Variants in LYZL1 observed in about 807,000 individuals in gnomAD.
The protein encoded by LYZL1 is lysozyme-like protein 1.
A neutral mutation model predicts 17.9 loss-of-function variants in LYZL1; 16 were observed. The ratio of observed to expected loss-of-function variants is 0.90; its 90% CI spans 0.61 to 1.36. The LOEUF (loss-of-function observed/expected upper bound fraction) is 1.36, where lower values mean the gene tolerates loss of function less well. Ranked by LOEUF, LYZL1 falls within the 40% of genes most tolerant of loss-of-function variation. The pLI is 0.00. For synonymous variants in LYZL1, 58 were observed against 71.8 expected (o/e 0.81, Z 0.97); for missense variants, 149 against 188.4 (o/e 0.79, Z 1.22).
intron 3 of LYZL1, among the ~76,000 whole-genome samples, chr10:29,294,490 A>T (rs1835420011): frequency 1.3e-5 from 2 of 152,212 alleles, no homozygotes; most frequent in African/African-American, 4.8e-5. Context: ...GGCAGAGCTC[A>T]GTCAAAGGCA....
chr10:29,317,187 C>G (rs543319351), intron 3 of LYZL1: 1 of 152,164 alleles, frequency 6.6e-6, no homozygotes, highest in Non-Finnish European at 1.5e-5. Context: ...GATTCACTTC[C>G]TCTCTCCCCT....
intron 3 of LYZL1, among the ~76,000 whole-genome samples, chr10:29,297,524 C>T (rs896158690): frequency 2.6e-5 from 4 of 152,186 alleles, no homozygotes; most frequent in Non-Finnish European, 5.9e-5. Context: ...TTTTAAATTG[C>T]ATGCCATTCT....
At chr10:29,307,871 C>A (rs760035225) in intron 3 of LYZL1, among the ~76,000 whole-genome samples, 13 of 152,202 alleles carry the variant, frequency 8.5e-5, no homozygotes, top group Non-Finnish European at 1.5e-4. Flanking sequence ...AAAGGATAAA[C>A]ACCTCTTTAA....
chr10:29,304,496 G>A, intron 3 of LYZL1, among the ~76,000 whole-genome samples: 1 of 151,904 alleles, frequency 6.6e-6, no homozygotes, highest in African/African-American at 2.4e-5. Flanking sequence ...CAGATACTTT[G>A]AAGTAGAACT....
At chr10:29,301,220 G>C (rs1835514671) in intron 3 of LYZL1, among the ~76,000 whole-genome samples, 1 of 152,054 alleles carries the variant, frequency 6.6e-6, no homozygotes, top group South Asian at 2.1e-4. Context: ...CTCTCTTTTT[G>C]CCTGCTGCCA....
At chr10:29,292,737 G>T in intron 3 of LYZL1, 60 bp downstream of exon 3, 1 of 1,561,148 alleles carries the variant, frequency 6.4e-7, no homozygotes, top group East Asian at 2.3e-5. Context: ...GCCGACAATG[G>T]GATCACCAAC....
At chr10:29,315,848 C>CAAA (rs537249145), downstream of LYZL1, among the ~76,000 whole-genome samples, 77 of 126,762 alleles carry the variant, frequency 6.1e-4, no homozygotes, top group African/African-American at 1.7e-3. Flanking sequence ...AACACTGTCT[C>CAAA]AAAAAAAAAA....
chr10:29,295,092 GA>G (rs1167029871), intron 3 of LYZL1, among the ~76,000 whole-genome samples: 1 of 152,184 alleles, frequency 6.6e-6, no homozygotes, highest in Non-Finnish European at 1.5e-5. Context: ...TTGAATGTTT[GA>G]ATGACTGAAT....
At chr10:29,310,077 T>C (rs749085633) in intron 3 of LYZL1, 33 bp from the exon 4 acceptor site, 1 of 1,513,840 alleles carries the variant, frequency 6.6e-7, no homozygotes, top group Non-Finnish European at 9.1e-7. Context: ...CAACAAAGTC[T>C]CGCCTAACCC....
downstream of LYZL1, among the ~76,000 whole-genome samples, chr10:29,313,256 T>C (rs1424397257): frequency 6.6e-6 from 1 of 152,200 alleles, no homozygotes; most frequent in East Asian, 1.9e-4. Context: ...CTGAAGAAAA[T>C]TTGAAAAATG....
intron 3 of LYZL1, among the ~76,000 whole-genome samples, chr10:29,298,653 C>G (rs1361640223): frequency 6.6e-6 from 1 of 152,136 alleles, no homozygotes; most frequent in Non-Finnish European, 1.5e-5. Flanking sequence ...AGACATGGTT[C>G]AGGAAACAAG....
In LYZL1 at chr10:29,309,522, G is replaced by T. The variant is rs118100776; in HGVS notation, c.299-588G>T. 3.3e-5 allele frequency among the ~76,000 whole-genome samples: 5 copies of T among 151,584 alleles called. No homozygotes were observed. In the East Asian group the frequency reaches 7.7e-4, roughly 23 times the overall value. On this transcript the variant is annotated intron_variant, in intron 3 of 4. Coordinates refer to ENST00000649382, the MANE Select transcript of LYZL1 (RefSeq NM_032517.6). ...GTGCCATTTTTTTTTCTTAAGACAG[G>T]GTCTCACTCTGTTGCCCAGGCTGGA... is the stretch of plus-strand genomic sequence containing the variant.
chr10:29,306,172 A>T (rs1451566684), intron 3 of LYZL1, among the ~76,000 whole-genome samples: 2 of 152,080 alleles, frequency 1.3e-5, no homozygotes, highest in African/African-American at 4.8e-5. Flanking sequence ...TTCCGTGATG[A>T]TGAAAATGTC....
chr10:29,302,736 G>A (rs563776359), intron 3 of LYZL1, among the ~76,000 whole-genome samples: 5 of 152,296 alleles, frequency 3.3e-5, no homozygotes, highest in Admixed American at 2.6e-4. Flanking sequence ...GGCTCATCGT[G>A]TTGACTGGCC....
downstream of LYZL1, among the ~76,000 whole-genome samples, chr10:29,315,655 A>T (rs533098866): frequency 3.3e-4 from 50 of 152,056 alleles, no homozygotes; most frequent in Middle Eastern, 3.4e-3. Context: ...TGAGACCAGC[A>T]TGGGCAACAG....
At chr10:29,296,785 C>G (rs1043009295) in intron 3 of LYZL1, among the ~76,000 whole-genome samples, 1 of 152,118 alleles carries the variant, frequency 6.6e-6, no homozygotes, top group Non-Finnish European at 1.5e-5. Flanking sequence ...CCCCAGTGAA[C>G]AAGACTGGTC....
chr10:29,312,771 C>T (rs1835688483), downstream of LYZL1, among the ~76,000 whole-genome samples: 1 of 152,112 alleles, frequency 6.6e-6, no homozygotes, highest in Non-Finnish European at 1.5e-5. Flanking sequence ...TTTCTCTTGC[C>T]CATTATCAAT....
At chr10:29,308,371 T>G (rs551891001) in intron 3 of LYZL1, among the ~76,000 whole-genome samples, 1 of 152,334 alleles carries the variant, frequency 6.6e-6, no homozygotes, top group Admixed American at 6.5e-5. Context: ...CCCAATGAAT[T>G]GCTGGGTCTG....
rs79089642 is a variant in LYZL1, at chr10:29,295,928, C to T, written c.298+3251C>T. The stretch of plus-strand genomic sequence containing the variant: ...TCCAACACCCACAAGGAACTGAACT[C>T]TGCCAAAACTCAAGTGAGCAAGGAA... On this transcript the variant is annotated intron_variant, in intron 3 of 4. Transcript: ENST00000649382. Among the ~76,000 whole-genome samples the T allele has an allele frequency of 6.0e-3, 920 of 152,288 alleles. 10 individuals are homozygous for T. Among genetic ancestry groups the T allele is most frequent in the Admixed American group, 0.012 (183 of 15,300 alleles).
Sources: allele counts gnomAD v4.1 joint callset (sites outside exome capture counted in the v4.1 genomes callset), GRCh38; gene constraint gnomAD v4.1.1; transcripts MANE v1.5; gene names NCBI Gene and HGNC (gene_info 2026-07-23, HGNC 2026-07-21).